The following SDHC variants were observed in gnomAD, a reference collection of about 807,000 sequenced individuals.
SDHC encodes the protein succinate dehydrogenase cytochrome b560 subunit, mitochondrial.
In SDHC, 11 loss-of-function variants were observed where a neutral mutation model predicts 22.6. That is an observed-to-expected ratio of 0.49 (90% CI 0.31 to 0.81). The LOEUF (loss-of-function observed/expected upper bound fraction) is 0.81, where lower values mean the gene tolerates loss of function less well. SDHC is among the 30% of genes least tolerant of loss of function. The pLI is 0.05. For missense variants in SDHC, 160 were observed against 212.0 expected (o/e 0.75, Z 1.52); for synonymous variants, 80 against 77.8 (o/e 1.03, Z -0.15).
intron 3 of SDHC, among the ~76,000 whole-genome samples, chr1:161,331,445 T>C (rs535383704): frequency 6.6e-6 from 1 of 152,150 alleles, no homozygotes; most frequent in African/African-American, 2.4e-5. Flanking sequence ...TTTTGTATTT[T>C]TTTATAGACA....
chr1:161,320,659 A>G (rs1443853517), intron 1 of SDHC, among the ~76,000 whole-genome samples: 2 of 152,220 alleles, frequency 1.3e-5, no homozygotes, highest in Non-Finnish European at 2.9e-5. Flanking sequence ...AATATGTTAC[A>G]TATATATGTG....
chr1:161,350,317 C>G (rs1393335201), intron 4 of SDHC, among the ~76,000 whole-genome samples: 1 of 152,218 alleles, frequency 6.6e-6, no homozygotes, highest in Non-Finnish European at 1.5e-5. Flanking sequence ...TCCCAAAGTG[C>G]TGGGATTACA....
chr1:161,359,308 G>T (rs924159624), intron 5 of SDHC, among the ~76,000 whole-genome samples: 1 of 152,106 alleles, frequency 6.6e-6, no homozygotes, highest in East Asian at 1.9e-4. Flanking sequence ...TGGTCCAATA[G>T]ACAGTTTAAT....
intron 1 of SDHC, among the ~76,000 whole-genome samples, chr1:161,318,808 A>T (rs6679543): frequency 0.098 from 14,839 of 151,916 alleles, 1,029 homozygotes; most frequent in Non-Finnish European, 0.14. Context: ...CCGAGGCGGG[A>T]GGATCACCTG....
intron 4 of SDHC, among the ~76,000 whole-genome samples, chr1:161,343,511 A>G (rs1008637986): frequency 6.6e-6 from 1 of 152,178 alleles, no homozygotes; most frequent in African/African-American, 2.4e-5. Flanking sequence ...GAATCAAGGT[A>G]TAAGGATGAT....
intron 3 of SDHC, among the ~76,000 whole-genome samples, chr1:161,336,286 C>T (rs1031068450): frequency 6.6e-6 from 1 of 152,010 alleles, no homozygotes; most frequent in African/African-American, 2.4e-5. Context: ...GAAACCCTGT[C>T]TCTACTAAAA....
intron 1 of SDHC, among the ~76,000 whole-genome samples, chr1:161,320,421 A>G (rs1285788249): frequency 6.6e-6 from 1 of 152,140 alleles, no homozygotes; most frequent in Non-Finnish European, 1.5e-5. Flanking sequence ...AAGTTTAGAA[A>G]CTCATTATAT....
At chr1:161,336,437 G>C (rs2102325899) in intron 3 of SDHC, among the ~76,000 whole-genome samples, 1 of 150,270 alleles carries the variant, frequency 6.7e-6, no homozygotes, top group South Asian at 2.1e-4. Context: ...CCTGGCAACA[G>C]AGCAAGGCTC....
At chr1:161,343,655 T>G (rs991820065) in intron 4 of SDHC, among the ~76,000 whole-genome samples, 1 of 152,170 alleles carries the variant, frequency 6.6e-6, no homozygotes, top group Non-Finnish European at 1.5e-5. Context: ...TTCTGCTTCC[T>G]TAGAATAAGA....
intron 1 of SDHC, among the ~76,000 whole-genome samples, chr1:161,315,102 G>C (rs1670558249): frequency 6.6e-6 from 1 of 152,186 alleles, no homozygotes; most frequent in South Asian, 2.1e-4. Flanking sequence ...CTTTCATTCT[G>C]AACTTTCCGC....
At chr1:161,345,171 T>A (rs1408012870) in intron 4 of SDHC, among the ~76,000 whole-genome samples, 2 of 152,238 alleles carry the variant, frequency 1.3e-5, no homozygotes, top group Non-Finnish European at 2.9e-5. Context: ...CACACTGGTG[T>A]TTGAACTCAT....
intron 3 of SDHC, among the ~76,000 whole-genome samples, chr1:161,337,236 A>G (rs1671530131): frequency 6.6e-6 from 1 of 151,054 alleles, no homozygotes; most frequent in Non-Finnish European, 1.5e-5. Flanking sequence ...GGCCTAGTGA[A>G]GAAGACTTGT....
rs1060501392 is a variant in SDHC at position 161,340,607 on chromosome 1, A to G, written c.193A>G (p.Met65Val). The change falls in exon 4 of 6, where the codon ATG becomes GTG. Residue 65 changes from methionine to valine, a missense_variant. By Grantham distance (21) the Met-to-Val change is conservative. Transcript: ENST00000367975. Reference sequence around the variant, plus strand: ...GTTTCTTTACAGTTGGTCTCTTCCCATGGCGATGTCCATCTGCCACCGTGG... The same window carrying G: ...GTTTCTTTACAGTTGGTCTCTTCCCGTGGCGATGTCCATCTGCCACCGTGG... Reference protein sequence around the residue: ...HITIYSWSLPMAMSICHRGTG... With the variant: ...HITIYSWSLPVAMSICHRGTG... 1 of 1,613,796 alleles carries G rather than the reference A, an allele frequency of 6.2e-7. No homozygotes were observed. The highest frequency in any genetic ancestry group is 8.5e-7 in the Non-Finnish European group (1 of 1,179,782).
chr1:161,334,078 C>T (rs1179091200), intron 3 of SDHC, among the ~76,000 whole-genome samples: 2 of 152,192 alleles, frequency 1.3e-5, no homozygotes, highest in Non-Finnish European at 2.9e-5. Context: ...AGAAGTTTGA[C>T]AAGATCTCCC....
chr1:161,328,129 G>A (rs981891545), intron 2 of SDHC, among the ~76,000 whole-genome samples: 5 of 151,108 alleles, frequency 3.3e-5, no homozygotes, highest in Admixed American at 2.7e-4. Context: ...TCAGTCTCCC[G>A]AGTAGCTGGG....
At chr1:161,322,662 G>A (rs1670879243) in intron 1 of SDHC, among the ~76,000 whole-genome samples, 1 of 151,706 alleles carries the variant, frequency 6.6e-6, no homozygotes, top group Admixed American at 6.6e-5. Flanking sequence ...TGCCTCCCGG[G>A]CTCAAGTGAT....
At chr1:161,339,602 T>G (rs1295525273) in intron 3 of SDHC, 1 of 1,206,784 alleles carries the variant, frequency 8.3e-7, no homozygotes, top group Admixed American at 2.8e-5. Flanking sequence ...GGGATCCTTC[T>G]CCATAAATCA....
In SDHC at chr1:161,356,747, G is replaced by A. The variant is rs1395923291; in HGVS notation, c.312G>A (p.Lys104=). 6.2e-7 allele frequency: 1 copy of A among 1,613,754 alleles called. No individual in the cohort carries two copies. Among genetic ancestry groups the A allele is most frequent in the Non-Finnish European group, 8.5e-7 (1 of 1,179,940 alleles). Residue 104 remains lysine (K), a synonymous_variant, in exon 5 of 6, where the codon AAG becomes AAA. Coordinates refer to ENST00000367975, the MANE Select transcript of SDHC (RefSeq NM_003001.5). ...TTGAGTCTTATTTGGAACTTGTGAA[G>A]TCCCTGTGTCTGGGGCCAGCACTGA... is the stretch of plus-strand genomic sequence containing the variant. ...GNFESYLELV[K]SLCLGPALIH... is the part of the protein sequence containing the mutation.
chr1:161,341,942 T>G (rs1328809441), intron 4 of SDHC, among the ~76,000 whole-genome samples: 1 of 152,198 alleles, frequency 6.6e-6, no homozygotes, highest in African/African-American at 2.4e-5. Context: ...AAATATTTGG[T>G]GAATACAAAA....
Sources: allele counts gnomAD v4.1 joint callset (sites outside exome capture counted in the v4.1 genomes callset), GRCh38; gene constraint gnomAD v4.1.1; transcripts MANE v1.5; gene names NCBI Gene and HGNC (gene_info 2026-07-23, HGNC 2026-07-21).